Variants in C8orf74 observed in about 807,000 individuals in gnomAD.
C8orf74 encodes chromosome 8 open reading frame 74.
Under a neutral mutation model 22.2 loss-of-function variants are expected in C8orf74, and 29 were observed. That is an observed-to-expected ratio of 1.31 (90% CI 0.97 to 1.78). C8orf74 has a LOEUF of 1.78. Among genes scored for constraint, C8orf74 ranks in the 40% most tolerant of loss-of-function variants. The pLI is 0.00. For missense variants in C8orf74, 515 were observed against 369.9 expected (o/e 1.39, Z -3.22); for synonymous variants, 255 against 163.1 (o/e 1.56, Z -4.30).
chr8:10,696,441 C>CTTTTTTTTTTTTTTTTTTTTTT (rs546082377), intron 2 of C8orf74, among the ~76,000 whole-genome samples: 4 of 102,442 alleles, frequency 3.9e-5, no homozygotes, highest in Admixed American at 1.0e-4. Flanking sequence ...CTTTTCTTTT[C>CTTTTTTTTTTTTTTTTTTTTTT]TTTTTTTTTT....
At chr8:10,682,141 G>A (rs1015491086) in intron 2 of C8orf74, among the ~76,000 whole-genome samples, 3 of 152,136 alleles carry the variant, frequency 2.0e-5, no homozygotes, top group Non-Finnish European at 4.4e-5. Context: ...CTGCAGCCTG[G>A]GAAAGGCCTC....
rs1241669463 is a variant in C8orf74, at chr8:10,674,160, G to A, written c.49-486G>A. Among the ~76,000 whole-genome samples the A allele has an allele frequency of 4.7e-5, 5 of 106,082 alleles. No homozygotes were observed. In the East Asian group the frequency reaches 1.3e-3, roughly 28 times the overall value. 69.6% of individuals were successfully genotyped at this position (106,082 alleles called of 152,430 possible). On this transcript the variant is annotated intron_variant, in intron 1 of 3. Transcript: ENST00000304519. ...TCCCACAGACCACACATCACACCCT[G>A]CAGCCCCCATATCACAGCCTGCAGC... is the stretch of plus-strand genomic sequence containing the variant.
intron 2 of C8orf74, among the ~76,000 whole-genome samples, chr8:10,684,002 TC>T (rs1472276734): frequency 1.3e-5 from 2 of 152,064 alleles, no homozygotes; most frequent in Non-Finnish European, 2.9e-5. Flanking sequence ...GAGCCGGCCC[TC>T]CCACGATGCT....
chr8:10,696,441 C>CTTTTTTTTTTTTTTTTTTTT (rs546082377), intron 2 of C8orf74, among the ~76,000 whole-genome samples: 90 of 102,418 alleles, frequency 8.8e-4, no homozygotes, highest in South Asian at 1.6e-3. Context: ...CTTTTCTTTT[C>CTTTTTTTTTTTTTTTTTTTT]TTTTTTTTTT....
chr8:10,698,575 G>A (rs1025923870), intron 3 of C8orf74, among the ~76,000 whole-genome samples: 27 of 152,052 alleles, frequency 1.8e-4, no homozygotes, highest in Non-Finnish European at 1.5e-4. Context: ...AGACCACTGG[G>A]GCTCTAGCTG....
At position 10,697,963 on chromosome 8, in the gene C8orf74, T is replaced by G. The variant is rs781534946; in HGVS notation, c.606T>G (p.Ala202=). The change falls in exon 3 of 4, where the codon GCT becomes GCG. Residue 202 remains alanine, a synonymous_variant. Transcript: ENST00000304519. ...ERENSLQKAF[A]AAAPAQPGQV... Reference sequence around the variant, plus strand: ...AGAACTCGCTGCAGAAGGCGTTCGCTGCCGCCGCGCCTGCGCAGCCCGGCC... The same window carrying G: ...AGAACTCGCTGCAGAAGGCGTTCGCGGCCGCCGCGCCTGCGCAGCCCGGCC... The G allele has an allele frequency of 3.9e-6, 6 of 1,534,794 alleles. No homozygotes were observed. Among genetic ancestry groups the G allele is most frequent in the Non-Finnish European group, 5.2e-6 (6 of 1,143,704 alleles).
chr8:10,695,313 G>C (rs986786664), intron 2 of C8orf74, among the ~76,000 whole-genome samples: 4 of 152,140 alleles, frequency 2.6e-5, no homozygotes, highest in African/African-American at 9.7e-5. Context: ...GAGTATCTCA[G>C]ACCTCCAAAC....
chr8:10,681,877 G>A (rs114441426), intron 2 of C8orf74, among the ~76,000 whole-genome samples: 4 of 152,246 alleles, frequency 2.6e-5, no homozygotes, highest in Admixed American at 6.5e-5. Context: ...GGCATCTGCA[G>A]TTCCACCCAT....
rs368493281 is a variant in C8orf74, at chr8:10,685,057, C to T, written c.241+10219C>T. The stretch of plus-strand genomic sequence containing the variant: ...CCAGATTCCATCATGCCACTCAAAA[C>T]GGTGCAACATCTAAAACTTATGAAC... On this transcript the variant is annotated intron_variant, in intron 2 of 3. Coordinates refer to ENST00000304519, the MANE Select transcript of C8orf74 (RefSeq NM_001040032.2). Among the ~76,000 whole-genome samples, 9 of 152,318 alleles carry T rather than the reference C, an allele frequency of 5.9e-5. No homozygotes were observed. In the East Asian group the frequency reaches 1.3e-3, roughly 23 times the overall value.
At chr8:10,684,177 C>T (rs1463123807) in intron 2 of C8orf74, among the ~76,000 whole-genome samples, 1 of 152,194 alleles carries the variant, frequency 6.6e-6, no homozygotes, top group Non-Finnish European at 1.5e-5. Context: ...GTACTGCTGT[C>T]CACATTTCAC....
At chr8:10,682,975 C>T (rs564039798) in intron 2 of C8orf74, among the ~76,000 whole-genome samples, 4 of 152,214 alleles carry the variant, frequency 2.6e-5, no homozygotes, top group South Asian at 4.1e-4. Context: ...TGCCCAAGGC[C>T]GCACCTCGAG....
At chr8:10,696,740 G>A (rs1183110729) in intron 2 of C8orf74, among the ~76,000 whole-genome samples, 3 of 151,882 alleles carry the variant, frequency 2.0e-5, no homozygotes, top group South Asian at 2.1e-4. Context: ...GAGCCATCAC[G>A]CCCCACTGCC....
chr8:10,690,621 C>T (rs984779720), intron 2 of C8orf74, among the ~76,000 whole-genome samples: 14 of 152,114 alleles, frequency 9.2e-5, no homozygotes, highest in Non-Finnish European at 1.9e-4. Context: ...TGAGTCCACC[C>T]GCTCAGGCAC....
Position 10,697,634 on chromosome 8 carries a change from A to G in C8orf74, c.277A>G (p.Asn93Asp). Residue 93 changes from asparagine (N) to aspartate (D), a missense_variant, in exon 3 of 4, where the codon AAC becomes GAC. Physicochemically the swap from Asn to Asp is conservative, Grantham distance 23 (BLOSUM62 1). Coordinates refer to ENST00000304519, the MANE Select transcript of C8orf74 (RefSeq NM_001040032.2). ...SITEAVTILG[N>D]KLRDYRGHFN... ...TACTGAGGCTGTGACGATCCTGGGG[A>G]ACAAGCTTAGAGATTACCGGGGCCA... The G allele has an allele frequency of 6.2e-7, 1 of 1,613,852 alleles. No homozygotes were observed. Among genetic ancestry groups the G allele is most frequent in the Non-Finnish European group, 8.5e-7 (1 of 1,179,842 alleles).
rs181606844 is a variant in C8orf74 at position 10,694,788 on chromosome 8, G to A, written c.242-2811G>A. Among the ~76,000 whole-genome samples, 149 of 152,302 alleles carry A rather than the reference G, an allele frequency of 9.8e-4. No individual in the cohort carries two copies. In the South Asian group the frequency reaches 0.012, roughly 12 times the overall value. On this transcript the variant is annotated intron_variant, in intron 2 of 3. Transcript: ENST00000304519. ...AATGGAAGGATGGGTGAATGGATGG[G>A]TGGATAGATCAAAGAATTAATGGAT...
chr8:10,697,681 G>T lies in C8orf74; in HGVS notation c.324G>T (p.Leu108=). The part of the protein sequence containing the change: ...YRGHFNTTHL[L]ALCDYFHHTF... The stretch of plus-strand genomic sequence containing the variant: ...GCCATTTCAACACCACCCACCTGCT[G>T]GCCCTCTGTGACTACTTCCACCACA... The change falls in exon 3 of 4, where the codon CTG becomes CTT. Residue 108 remains leucine (L), a synonymous_variant. Coordinates refer to ENST00000304519, the MANE Select transcript of C8orf74 (RefSeq NM_001040032.2). 1 of 1,613,950 alleles carries T rather than the reference G, an allele frequency of 6.2e-7. No individual in the cohort carries two copies. The highest frequency in any genetic ancestry group is 8.5e-7 in the Non-Finnish European group (1 of 1,179,876).
chr8:10,694,674 G>C (rs1396154385), intron 2 of C8orf74, among the ~76,000 whole-genome samples: 1 of 152,214 alleles, frequency 6.6e-6, no homozygotes. Context: ...AGAAAAGACA[G>C]TTTCTTGTGT....
At chr8:10,672,800 G>A in intron 1 of C8orf74, 87 bp downstream of exon 1, 1 of 1,254,172 alleles carries the variant, frequency 8.0e-7, no homozygotes, top group South Asian at 1.3e-5. Flanking sequence ...GCCTCTTCAG[G>A]AGACCCCGGG....
At chr8:10,681,129 A>G (rs1022951198) in intron 2 of C8orf74, among the ~76,000 whole-genome samples, 4 of 151,934 alleles carry the variant, frequency 2.6e-5, no homozygotes, top group Non-Finnish European at 5.9e-5. Flanking sequence ...GACAGCTGCC[A>G]GTGCAGTTTA....
Sources: gnomAD v4.1 joint callset for allele counts (sites outside exome capture counted in the v4.1 genomes callset) on GRCh38, gnomAD v4.1.1 for gene constraint, MANE v1.5 for transcripts, NCBI Gene and HGNC (gene_info 2026-07-23, HGNC 2026-07-21) for gene names.